Variants in WDR70 observed in about 807,000 individuals in gnomAD.
The protein encoded by WDR70 is WD repeat domain 70, also known as WD repeat-containing protein 70.
A neutral mutation model predicts 88.6 loss-of-function variants in WDR70; 53 were observed. That is an observed-to-expected ratio of 0.60 (90% CI 0.48 to 0.75). The LOEUF (loss-of-function observed/expected upper bound fraction) is 0.75. WDR70 is among the 30% of genes least tolerant of loss of function. The pLI, the probability that WDR70 is intolerant of heterozygous loss-of-function variation, is 0.00. For synonymous variants in WDR70, 280 were observed against 270.0 expected, an observed-to-expected ratio of 1.04 and a Z score of -0.36; for missense variants, 610 against 823.2, an observed-to-expected ratio of 0.74 and a Z score of 3.17.
intron 7 of WDR70, among the ~76,000 whole-genome samples, chr5:37,447,567 G>A (rs1738537581): frequency 6.6e-6 from 1 of 152,132 alleles, no homozygotes. Flanking sequence ...ACTGGATTAA[G>A]AAAATGTTGC....
In WDR70 at chr5:37,495,463, T is replaced by C. The variant is rs915292711; in HGVS notation, c.840+15476T>C. 1.3e-4 allele frequency among the ~76,000 whole-genome samples: 20 copies of C among 150,552 alleles called. No homozygotes were observed. The South Asian group carries it at 1.5e-3, about 11-fold the overall frequency. On this transcript the variant is annotated intron_variant, in intron 8 of 17. Coordinates refer to ENST00000265107, the MANE Select transcript of WDR70 (RefSeq NM_018034.4). ...AGCAATCTCTCTCTCTCTCTCTCTC[T>C]CTTTCTCTCTCTCTGTGTGTGTGCG... is the stretch of plus-strand genomic sequence containing the variant.
intron 9 of WDR70, among the ~76,000 whole-genome samples, chr5:37,533,832 A>G (rs745694074): frequency 1.3e-5 from 2 of 152,162 alleles, no homozygotes; most frequent in Non-Finnish European, 1.5e-5. Context: ...TGCAGTCCCC[A>G]GTCCTAAAGG....
At chr5:37,522,064 T>C (rs1223251002) in intron 9 of WDR70, among the ~76,000 whole-genome samples, 1 of 152,184 alleles carries the variant, frequency 6.6e-6, no homozygotes, top group Admixed American at 6.5e-5. Flanking sequence ...ATGGCCATTA[T>C]TACAGGAGTG....
At chr5:37,555,018 T>A (rs1581389554) in intron 9 of WDR70, among the ~76,000 whole-genome samples, 1 of 152,256 alleles carries the variant, frequency 6.6e-6, no homozygotes, top group South Asian at 2.1e-4. Context: ...CATTTTATTA[T>A]GATTATTGAT....
intron 16 of WDR70, among the ~76,000 whole-genome samples, chr5:37,726,377 G>A (rs1393087968): frequency 1.3e-5 from 2 of 151,922 alleles, no homozygotes; most frequent in Non-Finnish European, 2.9e-5. Context: ...ACAAATCCCT[G>A]CCCTTAAAGA....
chr5:37,473,104 G>GT (rs1263935634), intron 7 of WDR70, among the ~76,000 whole-genome samples: 2 of 151,626 alleles, frequency 1.3e-5, no homozygotes, highest in Admixed American at 6.6e-5. Context: ...GATACCTTGT[G>GT]TTTTTTTGTT....
At chr5:37,681,439 C>T (rs1055854492) in intron 10 of WDR70, among the ~76,000 whole-genome samples, 20 of 152,054 alleles carry the variant, frequency 1.3e-4, no homozygotes, top group African/African-American at 4.8e-4. Context: ...TTGCCTGATT[C>T]CTCTGGCCAG....
At chr5:37,481,607 A>AT (rs1198760383) in intron 8 of WDR70, among the ~76,000 whole-genome samples, 1 of 151,568 alleles carries the variant, frequency 6.6e-6, no homozygotes, top group South Asian at 2.1e-4. Flanking sequence ...CCACAAAACC[A>AT]TTTTTTCCTT....
intron 10 of WDR70, among the ~76,000 whole-genome samples, chr5:37,606,711 T>C (rs1421404254): frequency 6.6e-6 from 1 of 152,200 alleles, no homozygotes; most frequent in Non-Finnish European, 1.5e-5. Context: ...AGAATGTATT[T>C]AATAAATGAA....
At chr5:37,401,707 C>T (rs1749200558) in intron 5 of WDR70, among the ~76,000 whole-genome samples, 1 of 152,196 alleles carries the variant, frequency 6.6e-6, no homozygotes, top group African/African-American at 2.4e-5. Context: ...ATCCTGCCAC[C>T]TTGACTTTCC....
intron 13 of WDR70, among the ~76,000 whole-genome samples, chr5:37,703,768 A>G (rs2112662893): frequency 6.6e-6 from 1 of 152,342 alleles, no homozygotes; most frequent in South Asian, 2.1e-4. Context: ...GAATTCCTTT[A>G]AGCTGTATAT....
intron 10 of WDR70, chr5:37,687,971 G>T: frequency 1.5e-6 from 1 of 689,632 alleles, no homozygotes; most frequent in Middle Eastern, 2.3e-4. Context: ...ACTGAAGTTT[G>T]TGTGATGTGA....
chr5:37,402,272 C>G (rs748855980), intron 5 of WDR70, among the ~76,000 whole-genome samples: 1 of 148,938 alleles, frequency 6.7e-6, no homozygotes, highest in Non-Finnish European at 1.5e-5. Flanking sequence ...TTTATACTTT[C>G]TAAATTTAGC....
rs1394973765 is a variant in WDR70 at position 37,606,911 on chromosome 5, C to T, written c.1092+1673C>T. On this transcript the variant is annotated intron_variant, in intron 10 of 17. Coordinates refer to ENST00000265107, the MANE Select transcript of WDR70 (RefSeq NM_018034.4). ...CCCTCCCCTCCCCTCCCCTCCCCTC[C>T]CCTCCCCTCCCATCCCCTCCCCTCC... Among the ~76,000 whole-genome samples, 3 of 73,540 alleles carry T rather than the reference C, an allele frequency of 4.1e-5. No homozygotes were observed. In the East Asian group the frequency reaches 1.4e-3, roughly 33 times the overall value. 48.2% of individuals were successfully genotyped at this position (73,540 alleles called of 152,430 possible).
chr5:37,499,613 C>T (rs1290967062), intron 8 of WDR70, among the ~76,000 whole-genome samples: 3 of 149,270 alleles, frequency 2.0e-5, no homozygotes, highest in Non-Finnish European at 3.0e-5. Context: ...CTCTCTCTCT[C>T]TCTCTCTCTC....
Position 37,379,483 on chromosome 5 carries a change from C to A in WDR70, c.26-6C>A, listed in dbSNP as rs377642196. ...CTAGGCCGCCTCTCTTTTCCTCTTG[C>A]TCCAGTGACAGGCTCAGACGCGTCG... On this transcript the variant is annotated splice_polypyrimidine_tract_variant and splice_region_variant and intron_variant, in intron 1 of 17. Coordinates refer to ENST00000265107, the MANE Select transcript of WDR70 (RefSeq NM_018034.4). 3.2e-5 allele frequency: 51 copies of A among 1,613,884 alleles called. No individual in the cohort carries two copies. The highest frequency in any genetic ancestry group is 4.1e-5 in the Non-Finnish European group (48 of 1,179,886).
At chr5:37,505,248 C>T (rs1740525357) in intron 8 of WDR70, among the ~76,000 whole-genome samples, 2 of 152,018 alleles carry the variant, frequency 1.3e-5, no homozygotes, top group East Asian at 1.9e-4. Flanking sequence ...TCTAAGCTGG[C>T]CTTATGTAAA....
chr5:37,523,224 T>TC (rs1741150959), intron 9 of WDR70, among the ~76,000 whole-genome samples: 1 of 152,018 alleles, frequency 6.6e-6, no homozygotes, highest in Non-Finnish European at 1.5e-5. Flanking sequence ...CTGGGATGCA[T>TC]CCCCCCAATA....
chr5:37,445,720 C>A (rs1197426350), intron 7 of WDR70, among the ~76,000 whole-genome samples: 1 of 152,146 alleles, frequency 6.6e-6, no homozygotes, highest in Non-Finnish European at 1.5e-5. Context: ...GCAGAAAAGG[C>A]CTTTGACAAA....
Sources: gnomAD v4.1 joint callset for allele counts (sites outside exome capture counted in the v4.1 genomes callset) on GRCh38, gnomAD v4.1.1 for gene constraint, MANE v1.5 for transcripts, NCBI Gene and HGNC (gene_info 2026-07-23, HGNC 2026-07-21) for gene names.